The following SCHIP1 variants were observed in gnomAD, a reference collection of about 807,000 sequenced individuals.
The protein encoded by SCHIP1 is schwannomin-interacting protein 1.
SCHIP1 carries 8 observed loss-of-function variants against 29.7 expected under a neutral mutation model. That is an observed-to-expected ratio of 0.27 (90% CI 0.16 to 0.49). The LOEUF (loss-of-function observed/expected upper bound fraction) is 0.49, where lower values mean the gene tolerates loss of function less well. SCHIP1 is among the 20% of genes least tolerant of loss of function. The pLI, the probability that SCHIP1 is intolerant of heterozygous loss-of-function variation, is 0.99. For missense variants in SCHIP1, 193 were observed against 294.6 expected (o/e 0.66, Z 2.52); for synonymous variants, 76 against 94.9 (o/e 0.80, Z 1.16).
the SCHIP1 span, among the ~76,000 whole-genome samples, chr3:159,297,982 C>T: frequency 1.3e-5 from 2 of 152,168 alleles, no homozygotes; most frequent in Non-Finnish European, 2.9e-5. Context: ...AGATATTTGT[C>T]TATTTGTGTG....
At chr3:159,621,105 T>C in the SCHIP1 span, among the ~76,000 whole-genome samples, 1 of 152,220 alleles carries the variant, frequency 6.6e-6, no homozygotes. Context: ...CGGCAGGCTA[T>C]GTGATGAGAA....
the SCHIP1 span, among the ~76,000 whole-genome samples, chr3:159,529,065 T>A: frequency 1.3e-5 from 2 of 151,994 alleles, no homozygotes; most frequent in African/African-American, 4.8e-5. Context: ...TCTTAGATAA[T>A]ATATATAGAT....
At chr3:159,381,762 A>T in the SCHIP1 span, among the ~76,000 whole-genome samples, 1 of 151,870 alleles carries the variant, frequency 6.6e-6, no homozygotes, top group Non-Finnish European at 1.5e-5. Flanking sequence ...TGCCTGGCTA[A>T]TTTTTTATAT....
At chr3:159,394,248 T>C in the SCHIP1 span, among the ~76,000 whole-genome samples, 10 of 151,104 alleles carry the variant, frequency 6.6e-5, no homozygotes, top group Non-Finnish European at 2.9e-5. Flanking sequence ...TATACAATCA[T>C]GTCGTCTGCA....
At chr3:159,402,313 A>G in the SCHIP1 span, among the ~76,000 whole-genome samples, 1 of 152,194 alleles carries the variant, frequency 6.6e-6, no homozygotes, top group Non-Finnish European at 1.5e-5. Context: ...AGAAATAGGA[A>G]CACTTTTACA....
chr3:159,496,162 C>T, the SCHIP1 span, among the ~76,000 whole-genome samples: 2 of 152,150 alleles, frequency 1.3e-5, no homozygotes, highest in African/African-American at 4.8e-5. Flanking sequence ...TAGATGAAAA[C>T]CTAGGCAATA....
the SCHIP1 span, among the ~76,000 whole-genome samples, chr3:159,782,926 C>T: frequency 1.3e-5 from 2 of 152,226 alleles, no homozygotes; most frequent in African/African-American, 4.8e-5. Flanking sequence ...CCTGAAATCA[C>T]ATCTAGCGAT....
chr3:159,538,640 A>G, the SCHIP1 span, among the ~76,000 whole-genome samples: 2 of 152,154 alleles, frequency 1.3e-5, no homozygotes, highest in Non-Finnish European at 2.9e-5. Context: ...GCATGACAGT[A>G]GCCTGAGGTA....
chr3:159,585,625 A>G, the SCHIP1 span, among the ~76,000 whole-genome samples: 1 of 152,160 alleles, frequency 6.6e-6, no homozygotes, highest in Admixed American at 6.5e-5. Flanking sequence ...TTCTCCTAAG[A>G]AACTTATTAC....
At chr3:159,592,127 C>T in the SCHIP1 span, among the ~76,000 whole-genome samples, 6 of 152,044 alleles carry the variant, frequency 3.9e-5, no homozygotes, top group African/African-American at 1.4e-4. Flanking sequence ...CAGCTGCTAT[C>T]CCAGAGACCT....
chr3:159,536,832 A>G, the SCHIP1 span, among the ~76,000 whole-genome samples: 1 of 152,228 alleles, frequency 6.6e-6, no homozygotes, highest in East Asian at 1.9e-4. Context: ...TATATCAAAA[A>G]CAAAGGTGAT....
chr3:159,820,317 C>T, the SCHIP1 span, among the ~76,000 whole-genome samples: 1 of 152,182 alleles, frequency 6.6e-6, no homozygotes. Context: ...CCCCACAACC[C>T]TACCTTAATC....
chr3:159,298,363 C>T, the SCHIP1 span, among the ~76,000 whole-genome samples: 7 of 152,174 alleles, frequency 4.6e-5, no homozygotes, highest in African/African-American at 1.7e-4. Context: ...ACCATATAGA[C>T]CTAGAATTGT....
chr3:159,748,020 C>A, the SCHIP1 span, among the ~76,000 whole-genome samples: 2 of 152,168 alleles, frequency 1.3e-5, no homozygotes, highest in African/African-American at 4.8e-5. Context: ...CATCTTCAGC[C>A]ATACATTTTA....
chr3:159,792,950 T>C, the SCHIP1 span, among the ~76,000 whole-genome samples: 3 of 152,218 alleles, frequency 2.0e-5, no homozygotes, highest in South Asian at 6.2e-4. Flanking sequence ...TGTTTTATTC[T>C]CTCTGCTTGT....
the SCHIP1 span, among the ~76,000 whole-genome samples, chr3:159,819,210 T>C: frequency 5.4e-4 from 82 of 152,186 alleles, no homozygotes; most frequent in African/African-American, 1.9e-3. Flanking sequence ...GTGCTGGTGA[T>C]CAGAGAGAAA....
intron 6 of SCHIP1, 104 bp from the exon 8 acceptor site, chr3:159,896,619 T>C: frequency 8.8e-7 from 1 of 1,134,828 alleles, no homozygotes; most frequent in Non-Finnish European, 1.2e-6. Context: ...TATTTCACTG[T>C]CAGTAACTCT....
At chr3:159,828,416 TAC>T in the SCHIP1 span, among the ~76,000 whole-genome samples, 14,811 of 114,192 alleles carry the variant, frequency 0.13, 2,038 homozygotes, top group East Asian at 0.24. Context: ...TACGTATATA[TAC>T]GTATATATAT....
the SCHIP1 span, among the ~76,000 whole-genome samples, chr3:159,807,097 A>G: frequency 2.0e-5 from 3 of 152,222 alleles, no homozygotes; most frequent in African/African-American, 7.2e-5. Flanking sequence ...AGATTTCACA[A>G]TTTTGCTTCA....
Sources: gnomAD v4.1 joint callset for allele counts (sites outside exome capture counted in the v4.1 genomes callset) on GRCh38, gnomAD v4.1.1 for gene constraint, MANE v1.5 for transcripts, NCBI Gene and HGNC (gene_info 2026-07-23, HGNC 2026-07-21) for gene names.